The following PTPRD variants were observed in gnomAD, a reference collection of about 807,000 sequenced individuals.
The protein encoded by PTPRD is protein tyrosine phosphatase receptor type D.
In PTPRD, 34 loss-of-function variants were observed where a neutral mutation model predicts 214.5. That is an observed-to-expected ratio of 0.16 (90% confidence interval 0.12 to 0.21). The LOEUF (loss-of-function observed/expected upper bound fraction) is 0.21. PTPRD is among the 10% of genes least tolerant of loss of function. The pLI is 1.00. For synonymous variants in PTPRD, 1,128 were observed against 845.7 expected, an observed-to-expected ratio of 1.33 and a Z score of -5.79; for missense variants, 2,545 against 2,398.7, an observed-to-expected ratio of 1.06 and a Z score of -1.27.
chr9:8,343,670 C>G (rs964492272), intron 39 of PTPRD, among the ~76,000 whole-genome samples: 6 of 151,978 alleles, frequency 3.9e-5, no homozygotes, highest in Non-Finnish European at 2.9e-5. Flanking sequence ...ACAATTCTAA[C>G]CAAATTATAT....
chr9:9,492,010 A>C (rs1400250422), intron 8 of PTPRD, among the ~76,000 whole-genome samples: 1 of 151,950 alleles, frequency 6.6e-6, no homozygotes, highest in African/African-American at 2.4e-5. Context: ...ATAGACTAAG[A>C]AAAAGAGAGA....
intron 9 of PTPRD, among the ~76,000 whole-genome samples, chr9:9,219,946 T>G (rs1001238839): frequency 6.6e-6 from 1 of 152,188 alleles, no homozygotes; most frequent in African/African-American, 2.4e-5. Context: ...TTCTGTAGTT[T>G]TTTTCATCCA....
At chr9:10,076,805 T>C (rs79014518) in intron 3 of PTPRD, among the ~76,000 whole-genome samples, 3,282 of 152,212 alleles carry the variant, frequency 0.022, 130 homozygotes, top group African/African-American at 0.074. Flanking sequence ...TCTTATATCC[T>C]TCCTCACAGC....
chr9:10,239,331 C>G (rs866387009), intron 3 of PTPRD, among the ~76,000 whole-genome samples: 3 of 151,846 alleles, frequency 2.0e-5, no homozygotes, highest in African/African-American at 4.8e-5. Flanking sequence ...TTATAGCTGA[C>G]TCATTAAAGA....
At chr9:10,198,356 G>A (rs1018695288) in intron 3 of PTPRD, among the ~76,000 whole-genome samples, 7 of 152,130 alleles carry the variant, frequency 4.6e-5, no homozygotes, top group Admixed American at 3.9e-4. Flanking sequence ...GTAGTGGTCA[G>A]GCATGAATGA....
At chr9:10,535,001 G>C (rs1319073338) in intron 2 of PTPRD, among the ~76,000 whole-genome samples, 1 of 152,156 alleles carries the variant, frequency 6.6e-6, no homozygotes, top group Admixed American at 6.6e-5. Flanking sequence ...GTAAAACCTT[G>C]AAATGGATGT....
chr9:9,005,095 C>A (rs967383519), intron 11 of PTPRD, among the ~76,000 whole-genome samples: 6 of 152,024 alleles, frequency 3.9e-5, no homozygotes, highest in Admixed American at 1.3e-4. Context: ...GGGGAAAGAT[C>A]CAAATAGTTT....
chr9:9,955,153 G>A (rs533764046), intron 4 of PTPRD, among the ~76,000 whole-genome samples: 1 of 152,122 alleles, frequency 6.6e-6, no homozygotes, highest in South Asian at 2.1e-4. Flanking sequence ...GTCCTCTTAA[G>A]TAAGCACTGT....
intron 7 of PTPRD, among the ~76,000 whole-genome samples, chr9:9,587,051 G>A (rs931153026): frequency 1.3e-5 from 2 of 151,838 alleles, no homozygotes; most frequent in African/African-American, 4.8e-5. Context: ...AGGAGGAAAT[G>A]TATGTGTATA....
chr9:8,875,232 C>G (rs1327711215), intron 11 of PTPRD, among the ~76,000 whole-genome samples: 1 of 152,158 alleles, frequency 6.6e-6, no homozygotes, highest in Admixed American at 6.5e-5. Context: ...AGAAAGCTCT[C>G]TGGAAGTTCT....
At chr9:9,484,085 A>G (rs902038832) in intron 8 of PTPRD, among the ~76,000 whole-genome samples, 6 of 151,946 alleles carry the variant, frequency 3.9e-5, no homozygotes, top group Non-Finnish European at 7.4e-5. Context: ...GTAAAGAAAA[A>G]TCTTTAAGAA....
At chr9:10,196,479 T>C (rs1025517609) in intron 3 of PTPRD, among the ~76,000 whole-genome samples, 1 of 152,194 alleles carries the variant, frequency 6.6e-6, no homozygotes, top group African/African-American at 2.4e-5. Context: ...CAAAATGTTA[T>C]GTAACACCCC....
At chr9:8,778,564 T>C (rs2095573071) in intron 11 of PTPRD, among the ~76,000 whole-genome samples, 1 of 152,172 alleles carries the variant, frequency 6.6e-6, no homozygotes, top group Admixed American at 6.5e-5. Flanking sequence ...CGCTGGGTCC[T>C]GGGCCGTGAC....
intron 9 of PTPRD, among the ~76,000 whole-genome samples, chr9:9,339,160 T>C (rs891680048): frequency 6.6e-6 from 1 of 151,980 alleles, no homozygotes; most frequent in Non-Finnish European, 1.5e-5. Flanking sequence ...GAATTTTTCA[T>C]GTTAATAGAG....
chr9:8,968,055 T>A (rs1190595442), intron 11 of PTPRD, among the ~76,000 whole-genome samples: 1 of 152,118 alleles, frequency 6.6e-6, no homozygotes, highest in African/African-American at 2.4e-5. Flanking sequence ...GTTTCCAGCT[T>A]CATCCATGTC....
intron 8 of PTPRD, among the ~76,000 whole-genome samples, chr9:9,449,963 T>TA (rs1333118932): frequency 6.6e-6 from 1 of 152,004 alleles, no homozygotes; most frequent in Non-Finnish European, 1.5e-5. Context: ...AGCTCCCACT[T>TA]ATAAGTGAGA....
At chr9:9,990,464 C>A (rs1456566397) in intron 4 of PTPRD, among the ~76,000 whole-genome samples, 2 of 152,174 alleles carry the variant, frequency 1.3e-5, no homozygotes, top group African/African-American at 4.8e-5. Flanking sequence ...CTCCTTACCA[C>A]CTCCCCTCCC....
At chr9:8,622,354 GTCA>G (rs2095849878) in intron 14 of PTPRD, among the ~76,000 whole-genome samples, 1 of 151,924 alleles carries the variant, frequency 6.6e-6, no homozygotes, top group Admixed American at 6.6e-5. Flanking sequence ...GGCTTCATGT[GTCA>G]AACACATCTT....
chr9:9,838,514 G>A (rs2153628631), intron 5 of PTPRD, among the ~76,000 whole-genome samples: 1 of 152,146 alleles, frequency 6.6e-6, no homozygotes, highest in Admixed American at 6.5e-5. Flanking sequence ...TTTCTCTGAT[G>A]GCCAGTGATG....
Sources: allele counts gnomAD v4.1 joint callset (sites outside exome capture counted in the v4.1 genomes callset), GRCh38; gene constraint gnomAD v4.1.1; transcripts MANE v1.5; gene names NCBI Gene and HGNC (gene_info 2026-07-23, HGNC 2026-07-21).